Variants in MACROD1 observed in about 807,000 individuals in gnomAD.
MACROD1 encodes the protein ADP-ribose glycohydrolase MACROD1.
In MACROD1, 31 loss-of-function variants were observed where a neutral mutation model predicts 41.4. The observed-to-expected ratio is 0.75, with a 90% CI of 0.56 to 1.01. MACROD1 has a LOEUF of 1.01. Among genes scored for constraint, MACROD1 ranks in the 50% least tolerant of loss-of-function variants. MACROD1 has a pLI of 0.00. For synonymous variants in MACROD1, 252 were observed against 203.4 expected (o/e 1.24, Z -2.03); for missense variants, 473 against 460.0 (o/e 1.03, Z -0.26).
In MACROD1 at chr11:64,000,489, C is replaced by T. The variant is rs1942804832; in HGVS notation, c.548-146G>A. ...CCGTGGCCTCCGGCCGCGGCCGCTG[C>T]CCCCACCCCCGCCCGGAATGTTTCA... On this transcript the variant is annotated intron_variant, in intron 4 of 10. Transcript: ENST00000255681. 8 of 492,056 alleles carry T rather than the reference C, an allele frequency of 1.6e-5. No individual in the cohort carries two copies. The South Asian group carries it at 2.1e-4, about 13-fold the overall frequency. The allele number at this position is 492,056 out of a possible 1,614,324, so 30.5% of individuals were successfully genotyped here. A position where few individuals can be genotyped will look rare whatever the true frequency, so the allele number is the denominator to read the frequency against.
At chr11:64,091,753 C>T (rs1201047526) in intron 3 of MACROD1, among the ~76,000 whole-genome samples, 1 of 152,172 alleles carries the variant, frequency 6.6e-6, no homozygotes, top group African/African-American at 2.4e-5. Context: ...TGTCCTGTCC[C>T]CTCCAGCAAG....
chr11:64,042,407 G>A (rs1943505174), intron 3 of MACROD1, among the ~76,000 whole-genome samples: 1 of 152,200 alleles, frequency 6.6e-6, no homozygotes, highest in Non-Finnish European at 1.5e-5. Flanking sequence ...CCCCTCTCTG[G>A]GGAATGGGGG....
At chr11:64,016,049 G>T (rs1449628066) in intron 3 of MACROD1, among the ~76,000 whole-genome samples, 1 of 152,228 alleles carries the variant, frequency 6.6e-6, no homozygotes, top group Non-Finnish European at 1.5e-5. Flanking sequence ...GGAAGACCTG[G>T]GTCCCCGCCC....
chr11:64,086,123 G>A (rs1944390059), intron 3 of MACROD1, among the ~76,000 whole-genome samples: 1 of 152,166 alleles, frequency 6.6e-6, no homozygotes. Flanking sequence ...CAGCACTGGT[G>A]GGGTGGGTGG....
rs1590901712 is a variant in MACROD1 at position 64,096,147 on chromosome 11, A to C, written c.517+55092T>G. 6.6e-6 allele frequency among the ~76,000 whole-genome samples: 1 copy of C among 152,194 alleles called. No homozygotes were observed. The highest frequency in any genetic ancestry group is 2.4e-5 in the African/African-American group (1 of 41,446). On this transcript the variant is annotated intron_variant, in intron 3 of 10. Coordinates refer to ENST00000255681, the MANE Select transcript of MACROD1 (RefSeq NM_014067.4). This position sits in a 1 kb window ranked among gnomAD's most constrained non-coding sequence, Gnocchi z 4.6. Reference sequence around the variant, plus strand: ...CCCAGACCCTGGAGGCCAGGAGGGGACCAGGGCTGCCCGCCGGCTCCACCA... The same window carrying C: ...CCCAGACCCTGGAGGCCAGGAGGGGCCCAGGGCTGCCCGCCGGCTCCACCA...
rs1341563997 is a variant in MACROD1, at chr11:64,036,043, G to A, written c.518-20762C>T. 5.9e-5 allele frequency: 9 copies of A among 151,266 alleles called. No homozygotes were observed. Among genetic ancestry groups the A allele is most frequent in the African/African-American group, 2.2e-4 (9 of 41,258 alleles). The allele number at this position is 151,266 out of a possible 1,614,324, so 9.4% of individuals were successfully genotyped here. On this transcript the variant is annotated intron_variant, in intron 3 of 10. Transcript: ENST00000255681. The surrounding 1 kb of genome is among the most constrained non-coding windows in gnomAD (Gnocchi z 5.6). The stretch of plus-strand genomic sequence containing the variant: ...CCGCGCGCCGGGGGCTCCTCTCCCG[G>A]GCCCCCCTGGGCGCCCTCCGGCTCT...
At chr11:64,037,916 T>G (rs1943413490) in intron 3 of MACROD1, among the ~76,000 whole-genome samples, 2 of 152,176 alleles carry the variant, frequency 1.3e-5, no homozygotes, top group Admixed American at 1.3e-4. Context: ...AGGGTGCTGC[T>G]TTGTAAGTGC....
At chr11:64,119,601 C>T (rs771027791) in intron 3 of MACROD1, among the ~76,000 whole-genome samples, 1 of 151,942 alleles carries the variant, frequency 6.6e-6, no homozygotes, top group African/African-American at 2.4e-5. Flanking sequence ...CAAAAATTCT[C>T]GAAAAAGCCC....
chr11:64,116,408 G>A, intron 3 of MACROD1: 1 of 1,613,998 alleles, frequency 6.2e-7, no homozygotes, highest in Non-Finnish European at 8.5e-7. Context: ...TCCTGACGGA[G>A]GTCATCGACA....
intron 3 of MACROD1, among the ~76,000 whole-genome samples, chr11:64,143,473 A>G (rs1945442339): frequency 6.6e-6 from 1 of 152,108 alleles, no homozygotes; most frequent in Non-Finnish European, 1.5e-5. Flanking sequence ...TCCATGGGGC[A>G]TGCCGGGGAC....
chr11:64,003,823 G>A (rs2134322801), intron 4 of MACROD1, among the ~76,000 whole-genome samples: 1 of 152,300 alleles, frequency 6.6e-6, no homozygotes, highest in East Asian at 1.9e-4. Flanking sequence ...CTCTTGGGGA[G>A]GCAGTGTCTC....
chr11:64,048,322 G>T (rs921362482), intron 3 of MACROD1, among the ~76,000 whole-genome samples: 4 of 152,230 alleles, frequency 2.6e-5, no homozygotes, highest in African/African-American at 9.6e-5. Context: ...CCCAGCCTTT[G>T]TGCCAGTGCA....
At chr11:64,018,033 C>T (rs529116848) in intron 3 of MACROD1, among the ~76,000 whole-genome samples, 4 of 152,294 alleles carry the variant, frequency 2.6e-5, no homozygotes, top group East Asian at 3.9e-4. Context: ...ACTGACCTGA[C>T]GCCAACCCGG....
intron 3 of MACROD1, among the ~76,000 whole-genome samples, chr11:64,073,606 G>C (rs1364658716): frequency 6.6e-6 from 1 of 152,232 alleles, no homozygotes; most frequent in African/African-American, 2.4e-5. Context: ...GGTACGGCAG[G>C]TGCAGGCCAG....
rs572592071 is a variant in MACROD1 at position 64,104,648 on chromosome 11, C to T, written c.517+46591G>A. ...GAGTCCACAAGTCTATATCAGGGCC[C>T]GCCCCTGTTCTGGCCAGGGGACCCA... On this transcript the variant is annotated intron_variant, in intron 3 of 10. Transcript: ENST00000255681. Among the ~76,000 whole-genome samples, 5 of 152,064 alleles carry T rather than the reference C, an allele frequency of 3.3e-5. No homozygotes were observed. The South Asian group carries it at 1.0e-3, about 32-fold the overall frequency.
chr11:64,084,303 CAT>C (rs1175806313), intron 3 of MACROD1, among the ~76,000 whole-genome samples: 2 of 152,252 alleles, frequency 1.3e-5, no homozygotes, highest in South Asian at 2.1e-4. Flanking sequence ...AGCAGGAACA[CAT>C]GTGTGAGAGT....
rs1234730331 is a variant in MACROD1 at position 64,101,266 on chromosome 11, G to A, written c.517+49973C>T. ...GAGACACGGCTGGTGGGCTGGGCAG[G>A]GCCCTTGGAGACTACTGTAGGAGCA... On this transcript the variant is annotated intron_variant, in intron 3 of 10. Transcript: ENST00000255681. Among the ~76,000 whole-genome samples the A allele has an allele frequency of 2.6e-5, 4 of 152,096 alleles. No homozygotes were observed. In the East Asian group the frequency reaches 7.7e-4, roughly 29 times the overall value.
At chr11:64,016,531 G>A (rs1943083401) in intron 3 of MACROD1, among the ~76,000 whole-genome samples, 1 of 152,252 alleles carries the variant, frequency 6.6e-6, no homozygotes, top group African/African-American at 2.4e-5. Flanking sequence ...GAGCTGGGTG[G>A]CCAGGCTGCA....
chr11:64,049,719 A>G (rs892372357), intron 3 of MACROD1, among the ~76,000 whole-genome samples: 2 of 152,232 alleles, frequency 1.3e-5, no homozygotes. Context: ...CCCAGAGCCC[A>G]GTGTCTTGCC....
Sources: allele counts gnomAD v4.1 joint callset (sites outside exome capture counted in the v4.1 genomes callset), GRCh38; gene constraint gnomAD v4.1.1; non-coding constraint Gnocchi (gnomAD v3.1); transcripts MANE v1.5; gene names NCBI Gene and HGNC (gene_info 2026-07-23, HGNC 2026-07-21).